Variants in KLF13 observed in about 807,000 individuals in gnomAD.
KLF13 encodes Krueppel-like factor 13.
A neutral mutation model predicts 16.7 loss-of-function variants in KLF13; 8 were observed. The observed-to-expected ratio is 0.48, with a 90% CI of 0.28 to 0.87. The LOEUF (loss-of-function observed/expected upper bound fraction) is 0.87. Ranked by LOEUF, KLF13 falls within the 40% of genes least tolerant of loss-of-function variation. The probability of loss-of-function intolerance (pLI) is 0.10; values close to 1 mark genes in which losing one functional copy is unlikely to be tolerated. For missense variants in KLF13, 447 were observed against 452.2 expected, an observed-to-expected ratio of 0.99 and a Z score of 0.10; for synonymous variants, 245 against 208.4, an observed-to-expected ratio of 1.18 and a Z score of -1.51.
At chr15:31,433,062 A>C (rs1437026881) in intron 1 of KLF13, among the ~76,000 whole-genome samples, 1 of 152,232 alleles carries the variant, frequency 6.6e-6, no homozygotes, top group African/African-American at 2.4e-5. Flanking sequence ...GCAGAAAAAT[A>C]AACACATAAA....
intron 1 of KLF13, among the ~76,000 whole-genome samples, chr15:31,337,069 C>T (rs1235344790): frequency 2.0e-5 from 3 of 152,200 alleles, no homozygotes; most frequent in Non-Finnish European, 4.4e-5. Flanking sequence ...CTTACTGCCC[C>T]GTTGTCCTCA....
intron 1 of KLF13, among the ~76,000 whole-genome samples, chr15:31,418,960 T>C (rs8026081): frequency 2.2e-4 from 33 of 152,204 alleles, no homozygotes; most frequent in African/African-American, 7.0e-4. Context: ...TACATACATA[T>C]ATACAAACAT....
intron 1 of KLF13, among the ~76,000 whole-genome samples, chr15:31,328,176 C>G (rs934713505): frequency 6.7e-6 from 1 of 150,268 alleles, no homozygotes; most frequent in Admixed American, 6.6e-5. Context: ...GTGGGGCGCC[C>G]GGAGCGGGGG....
At chr15:31,344,660 A>T (rs1348866747) in intron 1 of KLF13, among the ~76,000 whole-genome samples, 3 of 152,174 alleles carry the variant, frequency 2.0e-5, no homozygotes, top group Non-Finnish European at 2.9e-5. Context: ...ACCATTACAG[A>T]ATTTGCTGTA....
intron 1 of KLF13, among the ~76,000 whole-genome samples, chr15:31,331,548 G>T (rs1165788981): frequency 6.6e-6 from 1 of 152,182 alleles, no homozygotes. Flanking sequence ...CAGAGCAGAG[G>T]GCATCTGGCA....
chr15:31,361,209 G>A (rs2039378649), intron 1 of KLF13, among the ~76,000 whole-genome samples: 1 of 152,182 alleles, frequency 6.6e-6, no homozygotes, highest in African/African-American at 2.4e-5. Context: ...CACTGTGGGT[G>A]GGTGCCCCTG....
intron 1 of KLF13, among the ~76,000 whole-genome samples, chr15:31,429,962 C>T (rs2040452106): frequency 6.6e-6 from 1 of 152,050 alleles, no homozygotes. Flanking sequence ...TCTCGATCTC[C>T]TGACCTTGTG....
chr15:31,350,053 C>G (rs370829085), intron 1 of KLF13, among the ~76,000 whole-genome samples: 2 of 152,344 alleles, frequency 1.3e-5, no homozygotes, highest in Non-Finnish European at 1.5e-5. Context: ...AGATGATGTG[C>G]TTTTCTCCAT....
chr15:31,342,503 A>G (rs2039044005), intron 1 of KLF13, among the ~76,000 whole-genome samples: 2 of 152,224 alleles, frequency 1.3e-5, no homozygotes, highest in Admixed American at 1.3e-4. Context: ...GGATCGCTTC[A>G]TAACAGCTCC....
chr15:31,370,984 A>C (rs1323188659), intron 1 of KLF13, among the ~76,000 whole-genome samples: 1 of 151,846 alleles, frequency 6.6e-6, no homozygotes, highest in Non-Finnish European at 1.5e-5. Flanking sequence ...TCTGTTGAAC[A>C]TGGGTAGACC....
intron 1 of KLF13, among the ~76,000 whole-genome samples, chr15:31,386,994 G>A (rs2039802827): frequency 6.6e-6 from 1 of 152,230 alleles, no homozygotes; most frequent in Non-Finnish European, 1.5e-5. Context: ...GAATGAATGA[G>A]GAGTTGCTTC....
chr15:31,327,934 C>T (rs1201011031), intron 1 of KLF13, 145 bp downstream of exon 1: 1 of 984,338 alleles, frequency 1.0e-6, no homozygotes, highest in Non-Finnish European at 1.2e-6. Context: ...CCCTGCCGCT[C>T]CGACCCGCGG....
intron 1 of KLF13, among the ~76,000 whole-genome samples, chr15:31,431,102 T>C (rs2040466278): frequency 6.6e-6 from 1 of 152,176 alleles, no homozygotes; most frequent in African/African-American, 2.4e-5. Flanking sequence ...GTGGAGTTAG[T>C]GACCTTAAAA....
Position 31,375,757 on chromosome 15 carries a change from CT to C in KLF13, c.*3459del, listed in dbSNP as rs2039632942. 6.6e-6 allele frequency: 1 copy of C among 152,198 alleles called. No individual in the cohort carries two copies. 9.4% of individuals were successfully genotyped at this position (152,198 alleles called of 1,614,324 possible). Reference sequence around the variant, plus strand: ...GACACAGCCCTTTCCTTAAAGAGCCCTGGGGTCCTGTCCTGCAGGATGCTGC... The same window carrying C: ...GACACAGCCCTTTCCTTAAAGAGCCCGGGGTCCTGTCCTGCAGGATGCTGC... On this transcript the variant is annotated 3_prime_UTR_variant, in exon 2 of 2. Transcript: ENST00000307145.
intron 1 of KLF13, among the ~76,000 whole-genome samples, chr15:31,415,244 A>T (rs1025863834): frequency 1.3e-5 from 2 of 151,942 alleles, no homozygotes; most frequent in South Asian, 4.2e-4. Context: ...GCTAAATAAA[A>T]CTCCTTTCTT....
At chr15:31,398,879 C>G (rs528630700) in intron 2 of KLF13, among the ~76,000 whole-genome samples, 1 of 152,236 alleles carries the variant, frequency 6.6e-6, no homozygotes, top group Admixed American at 6.5e-5. Flanking sequence ...GCCTAGTGCT[C>G]GCCTACACAG....
Position 31,327,406 on chromosome 15 carries a change from C to A in KLF13, c.194C>A (p.Ala65Glu). 1.6e-6 allele frequency: 2 copies of A among 1,265,500 alleles called. No homozygotes were observed. The highest frequency in any genetic ancestry group is 1.0e-6 in the Non-Finnish European group (1 of 1,003,610). The allele number at this position is 1,265,500 out of a possible 1,614,324, so 78.4% of individuals were successfully genotyped here. Residue 65 changes from alanine (A) to glutamate (E), a missense_variant, in exon 1 of 2, where the codon GCG (alanine) becomes GAG (glutamate). By Grantham distance (107) the Ala-to-Glu change is moderately radical. This residue lies in a region of KLF13 where 359 missense variants were observed against 282.8 expected (regional missense o/e 1.27). Coordinates refer to ENST00000307145, the MANE Select transcript of KLF13 (RefSeq NM_015995.4). ...GACAGCGCCTCGCTCTTCGTGGTGG[C>A]GCGGATCCTAGCGGACCTCAACCAG... The part of the protein sequence containing the change: ...GKDSASLFVV[A>E]RILADLNQQA...
intron 1 of KLF13, among the ~76,000 whole-genome samples, chr15:31,411,950 C>T (rs186313635): frequency 1.3e-3 from 204 of 152,266 alleles, no homozygotes; most frequent in African/African-American, 4.5e-3. Context: ...CAAGGATGTC[C>T]TCTTTTACTA....
At chr15:31,391,708 AGGGGGGCTGTGGG>A (rs1354307589), upstream of KLF13, among the ~76,000 whole-genome samples, 6 of 107,470 alleles carry the variant, frequency 5.6e-5, no homozygotes, top group Non-Finnish European at 8.1e-5. Context: ...GGGGCTCTGT[AGGGGGGCTGTGGG>A]GGGCTGTGTG....
Sources: allele counts gnomAD v4.1 joint callset (sites outside exome capture counted in the v4.1 genomes callset), GRCh38; gene constraint gnomAD v4.1.1; regional missense constraint gnomAD v4.1.1; transcripts MANE v1.5; gene names NCBI Gene and HGNC (gene_info 2026-07-23, HGNC 2026-07-21).